Variants in PAPPA observed in about 807,000 individuals in gnomAD.
The protein encoded by PAPPA is pappalysin 1.
A neutral mutation model predicts 164.0 loss-of-function variants in PAPPA; 60 were observed. That is an observed-to-expected ratio of 0.37 (90% CI 0.30 to 0.45). The LOEUF is 0.45. PAPPA is among the 20% of genes least tolerant of loss of function. PAPPA has a pLI of 1.00. For missense variants in PAPPA, 1,782 were observed against 2,087.3 expected (o/e 0.85, Z 2.85); for synonymous variants, 875 against 814.1 (o/e 1.07, Z -1.27).
At chr9:116,226,625 A>G (rs1261334612) in intron 5 of PAPPA, among the ~76,000 whole-genome samples, 1 of 152,220 alleles carries the variant, frequency 6.6e-6, no homozygotes, top group East Asian at 1.9e-4. Flanking sequence ...AGACAGGAGA[A>G]GAGGACTCAT....
Position 116,289,313 on chromosome 9 carries a change from G to A in PAPPA, c.2954-13444G>A, listed in dbSNP as rs868071992. On this transcript the variant is annotated intron_variant, in intron 9 of 21. Coordinates refer to ENST00000328252, the MANE Select transcript of PAPPA (RefSeq NM_002581.5). ...AATAGCATATATATAGCATATATATGGCATATATATGGCATATATATAGCA... is the reference window on the plus strand; with the variant it reads ...AATAGCATATATATAGCATATATATAGCATATATATGGCATATATATAGCA... 1.8e-3 allele frequency among the ~76,000 whole-genome samples: 211 copies of A among 118,944 alleles called. 9 individuals carry two copies. The highest frequency in any genetic ancestry group is 6.3e-3 in the African/African-American group (195 of 31,134). The allele number at this position is 118,944 out of a possible 152,430, so 78.0% of individuals were successfully genotyped here. A position where few individuals can be genotyped will look rare whatever the true frequency, so the allele number is the denominator to read the frequency against.
At chr9:116,392,384 T>TAAAC (rs1846905297) in intron 21 of PAPPA, among the ~76,000 whole-genome samples, 1 of 152,224 alleles carries the variant, frequency 6.6e-6, no homozygotes, top group South Asian at 2.1e-4. Flanking sequence ...AGTTTTGCTT[T>TAAAC]AAACATTCTG....
intron 2 of PAPPA, among the ~76,000 whole-genome samples, chr9:116,204,998 C>A (rs938933471): frequency 6.6e-6 from 1 of 151,966 alleles, no homozygotes; most frequent in African/African-American, 2.4e-5. Context: ...AGACACTCAG[C>A]CTGGCTCTGT....
rs1587943167 is a variant in PAPPA, at chr9:116,187,009, T to C, written c.416-145T>C. Reference sequence around the variant, plus strand: ...CCTCGAGGTGGTCCCAGAGGCACCATTAGCAACTCCTAGGATCCCACAGAG... The same window carrying C: ...CCTCGAGGTGGTCCCAGAGGCACCACTAGCAACTCCTAGGATCCCACAGAG... On this transcript the variant is annotated intron_variant, in intron 1 of 21. Coordinates refer to ENST00000328252, the MANE Select transcript of PAPPA (RefSeq NM_002581.5). This position sits in a 1 kb window ranked among gnomAD's most constrained non-coding sequence, Gnocchi z 4.2. 1 of 620,552 alleles carries C rather than the reference T, an allele frequency of 1.6e-6. No homozygotes were observed. Among genetic ancestry groups the C allele is most frequent in the East Asian group, 2.8e-5 (1 of 36,054 alleles). 38.4% of individuals were successfully genotyped at this position (620,552 alleles called of 1,614,324 possible). A position where few individuals can be genotyped will look rare whatever the true frequency, so the allele number is the denominator to read the frequency against.
intron 1 of PAPPA, among the ~76,000 whole-genome samples, chr9:116,155,008 A>G (rs1457389032): frequency 6.6e-6 from 1 of 152,100 alleles, no homozygotes; most frequent in East Asian, 1.9e-4. Flanking sequence ...TAATGGAGGT[A>G]ACTCCCCTTC....
chr9:116,391,662 C>T (rs1029374270), intron 21 of PAPPA, among the ~76,000 whole-genome samples: 8 of 152,374 alleles, frequency 5.3e-5, no homozygotes, highest in South Asian at 2.1e-4. Context: ...TGCCGGAGCA[C>T]CATCTCTAGC....
chr9:116,385,849 G>A (rs1846803857), intron 21 of PAPPA, among the ~76,000 whole-genome samples: 1 of 152,234 alleles, frequency 6.6e-6, no homozygotes, highest in South Asian at 2.1e-4. Context: ...TTCTGCCCTT[G>A]TGAAACGTGT....
intron 7 of PAPPA, among the ~76,000 whole-genome samples, chr9:116,256,022 AG>A (rs749186435): frequency 2.0e-5 from 3 of 151,656 alleles, no homozygotes; most frequent in Non-Finnish European, 4.4e-5. Context: ...AAAAAAAAAA[AG>A]ATTCCAGGTT....
intron 16 of PAPPA, 94 bp downstream of exon 16, chr9:116,353,010 G>GAA: frequency 1.1e-6 from 1 of 879,908 alleles, no homozygotes; most frequent in Non-Finnish European, 1.9e-6. Flanking sequence ...TTTCTTCACT[G>GAA]GAGGTAATGA....
chr9:116,265,401 A>G lies in PAPPA; in HGVS notation c.2733-456A>G, dbSNP rs371094754. ...ATCAGAAAAGGGTTTGCTCACGTGT[A>G]ATGGAGTTTCTGCTCAGGTCTTAAA... On this transcript the variant is annotated intron_variant, in intron 7 of 21. Transcript: ENST00000328252. 9.6e-4 allele frequency among the ~76,000 whole-genome samples: 146 copies of G among 152,316 alleles called. 1 individual carries two copies. Among genetic ancestry groups the G allele is most frequent in the African/African-American group, 3.4e-3 (142 of 41,560 alleles).
At chr9:116,180,891 G>A (rs981777890) in intron 1 of PAPPA, among the ~76,000 whole-genome samples, 4 of 152,170 alleles carry the variant, frequency 2.6e-5, no homozygotes, top group African/African-American at 7.2e-5. Flanking sequence ...TGGGACTTTA[G>A]GCAGGGGACC....
Position 116,235,635 on chromosome 9 carries a change from C to T in PAPPA, c.2730C>T (p.Asp910=), listed in dbSNP as rs1470057545. ...SILHLNRKFV[D]MDLNLGSVYQ... ...TACATCTCAATAGGAAATTCGTAGA[C>T]ATGTAAGTGCATTCTCTGAATAGGG... is the stretch of plus-strand genomic sequence containing the variant. The change falls in exon 7 of 22, where the codon GAC becomes GAT. Residue 910 remains aspartate (D), a splice_region_variant and synonymous_variant. Transcript: ENST00000328252. 3 of 1,612,746 alleles carry T rather than the reference C, an allele frequency of 1.9e-6. No homozygotes were observed. Among genetic ancestry groups the T allele is most frequent in the African/African-American group, 1.3e-5 (1 of 74,868 alleles).
At chr9:116,170,436 A>T (rs1345458964) in intron 1 of PAPPA, among the ~76,000 whole-genome samples, 1 of 152,154 alleles carries the variant, frequency 6.6e-6, no homozygotes, top group Non-Finnish European at 1.5e-5. Flanking sequence ...CTGAGTTTTT[A>T]AATAGGCAAG....
rs1178921658 is a variant in PAPPA, at chr9:116,211,733, C to T, written c.1719C>T (p.Val573=). ...EIGHSLGLYH[V]FRGISEIQSC... ...GTCACAGCCTGGGCCTCTATCACGT[C>T]TTCCGAGGCATCTCAGAAATCCAGT... The change falls in exon 4 of 22, where the codon GTC becomes GTT. Residue 573 remains valine (V), a synonymous_variant. Transcript: ENST00000328252. The T allele has an allele frequency of 1.9e-6, 3 of 1,614,026 alleles. No individual in the cohort carries two copies. The African/African-American group carries it at 4.0e-5, about 22-fold the overall frequency.
At chr9:116,395,050 A>G (rs1159792725) in intron 21 of PAPPA, among the ~76,000 whole-genome samples, 1 of 152,212 alleles carries the variant, frequency 6.6e-6, no homozygotes, top group Non-Finnish European at 1.5e-5. Context: ...GCATATGTCA[A>G]GCACTGTGTG....
At chr9:116,177,206 A>G (rs1843847656) in intron 1 of PAPPA, among the ~76,000 whole-genome samples, 1 of 152,112 alleles carries the variant, frequency 6.6e-6, no homozygotes, top group Non-Finnish European at 1.5e-5. Flanking sequence ...GTGTTCTATG[A>G]ACAGTGTCTT....
intron 11 of PAPPA, among the ~76,000 whole-genome samples, chr9:116,331,927 T>G (rs377414960): frequency 5.3e-5 from 8 of 152,214 alleles, no homozygotes; most frequent in South Asian, 2.1e-4. Context: ...GCACCTTTTT[T>G]TGTGTGTGTG....
At chr9:116,265,052 T>G (rs376474375) in intron 7 of PAPPA, among the ~76,000 whole-genome samples, 2 of 152,040 alleles carry the variant, frequency 1.3e-5, no homozygotes, top group Non-Finnish European at 2.9e-5. Context: ...ATGACCCAAC[T>G]TTGCAAGGGG....
At chr9:116,221,094 G>A (rs929458570) in intron 5 of PAPPA, among the ~76,000 whole-genome samples, 7 of 152,064 alleles carry the variant, frequency 4.6e-5, no homozygotes, top group African/African-American at 1.4e-4. Context: ...TTCTGTCTCT[G>A]AGCCTGATTC....
Sources: allele counts gnomAD v4.1 joint callset (sites outside exome capture counted in the v4.1 genomes callset), GRCh38; gene constraint gnomAD v4.1.1; non-coding constraint Gnocchi (gnomAD v3.1); transcripts MANE v1.5; gene names NCBI Gene and HGNC (gene_info 2026-07-23, HGNC 2026-07-21).